SIAH2: variants seen among roughly 807,000 people sequenced by gnomAD.
SIAH2 encodes E3 ubiquitin-protein ligase SIAH2.
In SIAH2, 4 loss-of-function variants were observed where a neutral mutation model predicts 20.4. The ratio of observed to expected loss-of-function variants is 0.20; its 90% CI spans 0.10 to 0.45. The LOEUF (loss-of-function observed/expected upper bound fraction) is 0.45. Among genes scored for constraint, SIAH2 ranks in the 20% least tolerant of loss-of-function variants. The pLI is 0.99. For synonymous variants in SIAH2, 171 were observed against 192.5 expected, an observed-to-expected ratio of 0.89 and a Z score of 0.93; for missense variants, 259 against 440.3, an observed-to-expected ratio of 0.59 and a Z score of 3.69.
chr3:150,748,640 C>T (rs1714281170), intron 1 of SIAH2, among the ~76,000 whole-genome samples: 1 of 152,182 alleles, frequency 6.6e-6, no homozygotes, highest in African/African-American at 2.4e-5. Flanking sequence ...TAGCAAAATA[C>T]CTGCTAGCAC....
rs1320168555 is a variant in SIAH2 at position 150,741,530 on chromosome 3, C to T, written c.*611G>A. On this transcript the variant is annotated 3_prime_UTR_variant, in exon 2 of 2. Coordinates refer to ENST00000312960, the MANE Select transcript of SIAH2 (RefSeq NM_005067.7). ...TCGGCAGAGGGCAACCTTAAAGCACCTTTAAAATCTGGACCCTTTCCCACA... is the reference window on the plus strand; with the variant it reads ...TCGGCAGAGGGCAACCTTAAAGCACTTTTAAAATCTGGACCCTTTCCCACA... The T allele has an allele frequency of 6.6e-6, 1 of 152,352 alleles. No homozygotes were observed. Among genetic ancestry groups the T allele is most frequent in the African/African-American group, 2.4e-5 (1 of 41,430 alleles). 9.4% of individuals were successfully genotyped at this position (152,352 alleles called of 1,614,324 possible). A position where few individuals can be genotyped will look rare whatever the true frequency, so the allele number is the denominator to read the frequency against.
At position 150,762,874 on chromosome 3, in the gene SIAH2, T is replaced by A. The variant is rs1714658355; in HGVS notation, c.-25A>T. 8.5e-7 allele frequency: 1 copy of A among 1,175,504 alleles called. No individual in the cohort carries two copies. The highest frequency in any genetic ancestry group is 1.6e-5 in the African/African-American group (1 of 61,508). 72.8% of individuals were successfully genotyped at this position (1,175,504 alleles called of 1,614,324 possible). On this transcript the variant is annotated 5_prime_UTR_variant, in exon 1 of 2. Transcript: ENST00000312960. This position sits in a 1 kb window ranked among gnomAD's most constrained non-coding sequence, Gnocchi z 6.6. ...TCGCGCTCCGAACCAACCATGGAAC[T>A]GCGGGCGCCTGCCTGCCGCGGGGCC... is the stretch of plus-strand genomic sequence containing the variant.
intron 1 of SIAH2, among the ~76,000 whole-genome samples, chr3:150,744,716 G>A (rs1332473232): frequency 2.0e-5 from 3 of 152,060 alleles, no homozygotes; most frequent in African/African-American, 7.2e-5. Context: ...GTTTCAAGAC[G>A]AACTTTTCCC....
At chr3:150,756,694 ATTAAGC>A (rs1714492170) in intron 1 of SIAH2, among the ~76,000 whole-genome samples, 1 of 152,248 alleles carries the variant, frequency 6.6e-6, no homozygotes, top group Admixed American at 6.5e-5. Context: ...TGGAATTACC[ATTAAGC>A]TTAAGTACTG....
Position 150,762,972 on chromosome 3 carries a change from C to G in SIAH2, c.-123G>C. The G allele has an allele frequency of 9.3e-7, 1 of 1,070,646 alleles. No individual in the cohort carries two copies. Among genetic ancestry groups the G allele is most frequent in the South Asian group, 4.6e-5 (1 of 21,972 alleles). The allele number at this position is 1,070,646 out of a possible 1,614,324, so 66.3% of individuals were successfully genotyped here. On this transcript the variant is annotated 5_prime_UTR_variant, in exon 1 of 2. Coordinates refer to ENST00000312960, the MANE Select transcript of SIAH2 (RefSeq NM_005067.7). The surrounding 1 kb of genome is among the most constrained non-coding windows in gnomAD (Gnocchi z 6.6). ...AACGCCACGGCGCCCAGCCCAGGTC[C>G]GGGCGGCGGAGACGCTCGGCGCCCG...
chr3:150,743,624 G>A (rs1714147832), intron 1 of SIAH2, among the ~76,000 whole-genome samples: 1 of 152,176 alleles, frequency 6.6e-6, no homozygotes, highest in Non-Finnish European at 1.5e-5. Context: ...CCTTAATAGG[G>A]TAGGAGAACA....
Position 150,742,833 on chromosome 3 carries a change from A to G in SIAH2, c.418-135T>C. 1.6e-6 allele frequency: 1 copy of G among 640,276 alleles called. No homozygotes were observed. 39.7% of individuals were successfully genotyped at this position (640,276 alleles called of 1,614,324 possible). ...TAACTACTTTTGCTCAAAGCAAGTG[A>G]AATATTCAAGACTAAAAGTCTCCGT... is the stretch of plus-strand genomic sequence containing the variant. On this transcript the variant is annotated intron_variant, in intron 1 of 1. Coordinates refer to ENST00000312960, the MANE Select transcript of SIAH2 (RefSeq NM_005067.7). This position sits in a 1 kb window ranked among gnomAD's most constrained non-coding sequence, Gnocchi z 4.8.
At chr3:150,761,512 A>G (rs944016522) in intron 1 of SIAH2, among the ~76,000 whole-genome samples, 5 of 152,240 alleles carry the variant, frequency 3.3e-5, no homozygotes, top group African/African-American at 1.2e-4. Flanking sequence ...ACTTACATCT[A>G]TGTGTGGGTA....
At position 150,763,004 on chromosome 3, in the gene SIAH2, G is replaced by A; in HGVS notation, c.-155C>T. On this transcript the variant is annotated 5_prime_UTR_variant, in exon 1 of 2. Transcript: ENST00000312960. The surrounding 1 kb of genome is among the most constrained non-coding windows in gnomAD (Gnocchi z 4.1). ...CGGAGACGCTCGGCGCCCGGCAGGCGGAGGGCTGGACCGCGCTGATGCACT... is the reference window on the plus strand; with the variant it reads ...CGGAGACGCTCGGCGCCCGGCAGGCAGAGGGCTGGACCGCGCTGATGCACT... 1 of 872,072 alleles carries A rather than the reference G, an allele frequency of 1.1e-6. No individual in the cohort carries two copies. The highest frequency in any genetic ancestry group is 1.4e-6 in the Non-Finnish European group (1 of 705,066). 54.0% of individuals were successfully genotyped at this position (872,072 alleles called of 1,614,324 possible).
rs1714641047 is a variant in SIAH2 at position 150,762,454 on chromosome 3, C to T, written c.396G>A (p.Ser132=). 3 of 1,612,896 alleles carry T rather than the reference C, an allele frequency of 1.9e-6. No homozygotes were observed. The highest frequency in any genetic ancestry group is 1.3e-5 in the African/African-American group (1 of 74,858). Reference sequence around the variant, plus strand: ...TTACCTTACAGGGAAACAGGACTGCCGAGGCCACCTTCTCCATAGCCAGGT... The same window carrying T: ...TTACCTTACAGGGAAACAGGACTGCTGAGGCCACCTTCTCCATAGCCAGGT... ...IRNLAMEKVA[S]AVLFPCKYAT... is the part of the protein sequence containing the mutation. The change falls in exon 1 of 2, where the codon TCG becomes TCA. Residue 132 remains serine, a synonymous_variant. Coordinates refer to ENST00000312960, the MANE Select transcript of SIAH2 (RefSeq NM_005067.7). The surrounding 1 kb of genome is among the most constrained non-coding windows in gnomAD (Gnocchi z 6.6).
At position 150,742,242 on chromosome 3, in the gene SIAH2, T is replaced by C. The variant is rs745673310; in HGVS notation, c.874A>G (p.Met292Val). The change falls in exon 2 of 2, where the codon ATG becomes GTG. Residue 292 changes from methionine to valine, a missense_variant. Met to Val is a conservative substitution (Grantham distance 21). Around this residue, in one of 2 missense-constraint regions of SIAH2, gnomAD observed 160 missense variants for 327.6 expected, o/e 0.49. Transcript: ENST00000312960. The surrounding 1 kb of genome is among the most constrained non-coding windows in gnomAD (Gnocchi z 4.8). The part of the protein sequence containing the change: ...SIHDGVAAAI[M>V]NSDCLVFDTA... The stretch of plus-strand genomic sequence containing the variant: ...TCGAAAACAAGGCAGTCGCTGTTCA[T>C]GATGGCCGCAGCCACACCGTCATGA... 1.2e-5 allele frequency: 20 copies of C among 1,614,076 alleles called. No individual in the cohort carries two copies. Among genetic ancestry groups the C allele is most frequent in the East Asian group, 2.2e-5 (1 of 44,894 alleles).
chr3:150,745,240 T>TAC (rs5853495), intron 1 of SIAH2, among the ~76,000 whole-genome samples: 7,189 of 140,590 alleles, frequency 0.051, 435 homozygotes, highest in African/African-American at 0.15. Context: ...TTTAACCCCC[T>TAC]ACACACACAC....
At chr3:150,743,685 T>C (rs1470355662) in intron 1 of SIAH2, among the ~76,000 whole-genome samples, 2 of 152,140 alleles carry the variant, frequency 1.3e-5, no homozygotes, top group Non-Finnish European at 2.9e-5. Flanking sequence ...GGATAAATCA[T>C]ACCTGCCGTG....
At position 150,741,829 on chromosome 3, in the gene SIAH2, C is replaced by T. The variant is rs1714093893; in HGVS notation, c.*312G>A. ...GGAAGGCAGGCAGGAAGGGGCCTCCCATTCCTAACACACTGATCTATAGAA... is the reference window on the plus strand; with the variant it reads ...GGAAGGCAGGCAGGAAGGGGCCTCCTATTCCTAACACACTGATCTATAGAA... On this transcript the variant is annotated 3_prime_UTR_variant, in exon 2 of 2. Transcript: ENST00000312960. The T allele has an allele frequency of 4.4e-6, 1 of 228,290 alleles. No individual in the cohort carries two copies. The highest frequency in any genetic ancestry group is 9.5e-5 in the East Asian group (1 of 10,518). The allele number at this position is 228,290 out of a possible 1,614,324, so 14.1% of individuals were successfully genotyped here. A position where few individuals can be genotyped will look rare whatever the true frequency, so the allele number is the denominator to read the frequency against.
At chr3:150,744,893 G>A (rs984325581) in intron 1 of SIAH2, among the ~76,000 whole-genome samples, 1 of 152,030 alleles carries the variant, frequency 6.6e-6, no homozygotes, top group Non-Finnish European at 1.5e-5. Context: ...ACTCAAGTAG[G>A]AGTATTTATA....
chr3:150,752,318 T>A (rs1714389817), intron 1 of SIAH2, among the ~76,000 whole-genome samples: 1 of 152,188 alleles, frequency 6.6e-6, no homozygotes, highest in African/African-American at 2.4e-5. Flanking sequence ...GTTGTAAAAT[T>A]ATTAAATAGG....
intron 1 of SIAH2, among the ~76,000 whole-genome samples, chr3:150,759,934 A>G (rs1714567646): frequency 6.6e-6 from 1 of 152,126 alleles, no homozygotes; most frequent in African/African-American, 2.4e-5. Context: ...ACTTTATTCA[A>G]CGTTGGTTTT....
Position 150,742,137 on chromosome 3 carries a change from C to A in SIAH2, c.*4G>T. ...AATAATTTTGAAGGTTTACGAAAGT[C>A]ACATCATGGACAACATGTAGAAATA... On this transcript the variant is annotated 3_prime_UTR_variant, in exon 2 of 2. Transcript: ENST00000312960. This position sits in a 1 kb window ranked among gnomAD's most constrained non-coding sequence, Gnocchi z 4.8. 1 of 1,600,464 alleles carries A rather than the reference C, an allele frequency of 6.2e-7. No individual in the cohort carries two copies. Among genetic ancestry groups the A allele is most frequent in the South Asian group, 1.1e-5 (1 of 89,736 alleles).
At chr3:150,756,370 AC>A (rs1714484752) in intron 1 of SIAH2, among the ~76,000 whole-genome samples, 1 of 152,222 alleles carries the variant, frequency 6.6e-6, no homozygotes, top group Non-Finnish European at 1.5e-5. Flanking sequence ...AGGAGTGAGG[AC>A]CTTATGGGTT....
Sources: allele counts gnomAD v4.1 joint callset (sites outside exome capture counted in the v4.1 genomes callset), GRCh38; gene constraint gnomAD v4.1.1; regional missense constraint gnomAD v4.1.1; non-coding constraint Gnocchi (gnomAD v3.1); transcripts MANE v1.5; gene names NCBI Gene and HGNC (gene_info 2026-07-23, HGNC 2026-07-21).